The following SLCO4A1 variants were observed in gnomAD, a reference collection of about 807,000 sequenced individuals.
SLCO4A1 encodes the protein solute carrier organic anion transporter family member 4A1.
In SLCO4A1, 51 loss-of-function variants were observed where a neutral mutation model predicts 64.6. The observed-to-expected ratio is 0.79, with a 90% confidence interval of 0.63 to 1.00. SLCO4A1 has a LOEUF of 1.00. SLCO4A1 is among the 50% of genes least tolerant of loss of function. The pLI, the probability that SLCO4A1 is intolerant of heterozygous loss-of-function variation, is 0.00. For missense variants in SLCO4A1, 919 were observed against 980.5 expected (o/e 0.94, Z 0.84); for synonymous variants, 471 against 444.9 (o/e 1.06, Z -0.74).
chr20:62,644,470 C>T lies in SLCO4A1; in HGVS notation c.-97+1917C>T, dbSNP rs1293886371. On this transcript the variant is annotated intron_variant, in intron 1 of 11. Transcript: ENST00000217159. The surrounding 1 kb of genome is among the most constrained non-coding windows in gnomAD (Gnocchi z 5.4). ...CTGGCTGGGCACGTGGCAGGCAGGG[C>T]AGGCTGGGCCAGGTGAAGGGTGGCC... Among the ~76,000 whole-genome samples, 1 of 152,206 alleles carries T rather than the reference C, an allele frequency of 6.6e-6. No homozygotes were observed. The highest frequency in any genetic ancestry group is 1.5e-5 in the Non-Finnish European group (1 of 68,032).
At position 62,671,752 on chromosome 20, in the gene SLCO4A1, G is replaced by C; in HGVS notation, c.2028G>C (p.Val676=). 1 of 1,612,908 alleles carries C rather than the reference G, an allele frequency of 6.2e-7. No homozygotes were observed. The highest frequency in any genetic ancestry group is 8.5e-7 in the Non-Finnish European group (1 of 1,179,522). ...YILIMGLLYK[V]LGVLFFAIAC... Reference sequence around the variant, plus strand: ...CCAGCGGGCTCCTCTCTCCCCAGGTGCTGGGCGTCCTCTTCTTTGCCATAG... The same window carrying C: ...CCAGCGGGCTCCTCTCTCCCCAGGTCCTGGGCGTCCTCTTCTTTGCCATAG... Residue 676 remains valine (V), a splice_region_variant and synonymous_variant, in exon 12 of 12, where the codon GTG becomes GTC. Transcript: ENST00000217159.
At chr20:62,671,560 TTA>T (rs1335979727) in intron 11 of SLCO4A1, among the ~76,000 whole-genome samples, 188 bp from the exon 12 acceptor site, 1 of 16,958 alleles carries the variant, frequency 5.9e-5, no homozygotes, top group Non-Finnish European at 1.8e-4. Context: ...CATTCCCTCT[TTA>T]ACAATATTGG....
At position 62,656,516 on chromosome 20, in the gene SLCO4A1, A is replaced by T; in HGVS notation, c.62A>T (p.Glu21Val). ...TTCCCCAGCCCCAACTCAGCCATGG[A>T]AAACGGGCTTGACCACACCCCACCC... Reference protein sequence around the residue: ...LTFPSPNSAMENGLDHTPPSR... With the variant: ...LTFPSPNSAMVNGLDHTPPSR... The change falls in exon 2 of 12, where the codon GAA (glutamate) becomes GTA (valine). Residue 21 changes from glutamate (E) to valine (V), a missense_variant. Coordinates refer to ENST00000217159, the MANE Select transcript of SLCO4A1 (RefSeq NM_016354.4). The T allele has an allele frequency of 6.4e-7, 1 of 1,562,378 alleles. No individual in the cohort carries two copies. The highest frequency in any genetic ancestry group is 8.6e-7 in the Non-Finnish European group (1 of 1,156,166).
intron 1 of SLCO4A1, among the ~76,000 whole-genome samples, chr20:62,648,103 G>GCTGAT (rs35415836): frequency 2.6e-5 from 4 of 152,248 alleles, no homozygotes; most frequent in African/African-American, 9.6e-5. Flanking sequence ...TTATCCCCCG[G>GCTGAT]CTGATCGCCT....
At chr20:62,669,759 A>C (rs1986974141) in intron 11 of SLCO4A1, among the ~76,000 whole-genome samples, 1 of 152,174 alleles carries the variant, frequency 6.6e-6, no homozygotes, top group Non-Finnish European at 1.5e-5. Flanking sequence ...TTCATCCTGC[A>C]GGAACCCGTG....
chr20:62,682,241 A>C (rs565884006), intron 2 of SLCO4A1, among the ~76,000 whole-genome samples: 2 of 152,210 alleles, frequency 1.3e-5, no homozygotes, highest in Non-Finnish European at 2.9e-5. Flanking sequence ...GTACGCCTGC[A>C]GCACCTTGTC....
downstream of SLCO4A1, among the ~76,000 whole-genome samples, chr20:62,688,319 C>T (rs929729355): frequency 6.6e-6 from 1 of 152,114 alleles, no homozygotes; most frequent in African/African-American, 2.4e-5. Flanking sequence ...GGGAGGGAGG[C>T]TGCCCCCTAC....
chr20:62,660,494 A>G lies in SLCO4A1; in HGVS notation c.970A>G (p.Thr324Ala), dbSNP rs552647026. The G allele has an allele frequency of 8.1e-6, 13 of 1,604,090 alleles. No homozygotes were observed. Among genetic ancestry groups the G allele is most frequent in the African/African-American group, 1.3e-5 (1 of 74,516 alleles). Residue 324 changes from threonine (T) to alanine (A), a missense_variant, in exon 4 of 12, where the codon ACC becomes GCC. Thr to Ala is a moderately conservative substitution (Grantham distance 58). Transcript: ENST00000217159. ...FLGSGAAAFF[T>A]AVPILGYPRQ... ...GGGCTCTGGGGCCGCTGCTTTCTTC[A>G]CCGCCGTTCCCATCCTTGGTTACCC...
chr20:62,660,215 A>T (rs996121239), intron 3 of SLCO4A1, among the ~76,000 whole-genome samples, 197 bp from the exon 4 acceptor site: 1 of 152,160 alleles, frequency 6.6e-6, no homozygotes, highest in Non-Finnish European at 1.5e-5. Flanking sequence ...GGGACAGCTA[A>T]GCCAAGGTGG....
chr20:62,671,690 CA>C lies in SLCO4A1; in HGVS notation c.2026-59del, dbSNP rs369384407. The C allele has an allele frequency of 1.8e-4, 280 of 1,526,302 alleles. 1 individual carries two copies. The East Asian group carries it at 5.9e-3, about 32-fold the overall frequency. The allele number at this position is 1,526,302 out of a possible 1,614,324, so 94.5% of individuals were successfully genotyped here. Reference sequence around the variant, plus strand: ...AGGGACAGGACTGGGACAGGCCCACCAGTATCCAAAGGCTCTGGCCGAGCTC... The same window carrying C: ...AGGGACAGGACTGGGACAGGCCCACCGTATCCAAAGGCTCTGGCCGAGCTC... On this transcript the variant is annotated intron_variant, in intron 11 of 11. Transcript: ENST00000217159.
At position 62,661,186 on chromosome 20, in the gene SLCO4A1, G is replaced by A. The variant is rs1315229583; in HGVS notation, c.1121+11G>A. 6.3e-7 allele frequency: 1 copy of A among 1,590,828 alleles called. No homozygotes were observed. The highest frequency in any genetic ancestry group is 1.7e-5 in the Admixed American group (1 of 60,000). On this transcript the variant is annotated intron_variant, in intron 5 of 11. Coordinates refer to ENST00000217159, the MANE Select transcript of SLCO4A1 (RefSeq NM_016354.4). The surrounding 1 kb of genome is among the most constrained non-coding windows in gnomAD (Gnocchi z 5.2). ...CAGAGACCTGCCTCTGTAAGGACCG[G>A]AGTCGGGAGGGTTCCTAGTGTCCTC...
intron 5 of SLCO4A1, among the ~76,000 whole-genome samples, chr20:62,662,302 C>T (rs894968308): frequency 6.6e-6 from 1 of 152,130 alleles, no homozygotes; most frequent in African/African-American, 2.4e-5. Flanking sequence ...CAAGCTGACC[C>T]GGGGCCACGT....
intron 2 of SLCO4A1, among the ~76,000 whole-genome samples, chr20:62,681,256 CCTTGCACA>C (rs1987808573): frequency 6.6e-6 from 1 of 152,186 alleles, no homozygotes. Context: ...CAAAGAGATC[CCTTGCACA>C]CTTTGCCCAG....
At chr20:62,656,327 G>A (rs1983702551) in intron 1 of SLCO4A1, 32 bp from the exon 2 acceptor site, 4 of 782,118 alleles carry the variant, frequency 5.1e-6, no homozygotes, top group South Asian at 1.9e-5. Flanking sequence ...GTGGAGAGAC[G>A]TGAGCTTGCT....
At chr20:62,647,385 G>A (rs6122262) in intron 1 of SLCO4A1, among the ~76,000 whole-genome samples, 6 of 152,180 alleles carry the variant, frequency 3.9e-5, no homozygotes, top group African/African-American at 9.7e-5. Context: ...GGAGGGACTC[G>A]GCTTTGCCAG....
intron 7 of SLCO4A1, 120 bp downstream of exon 7, chr20:62,666,695 G>A (rs1986411419): frequency 3.4e-6 from 3 of 894,284 alleles, no homozygotes; most frequent in African/African-American, 1.7e-5. Flanking sequence ...TACGTCACAG[G>A]ACAGCGGCAA....
chr20:62,662,234 C>T (rs1985094769), intron 5 of SLCO4A1, among the ~76,000 whole-genome samples: 1 of 152,118 alleles, frequency 6.6e-6, no homozygotes, highest in South Asian at 2.1e-4. Context: ...CATTAGGACC[C>T]TGATAGACCC....
chr20:62,685,892 A>T (rs1306888116), downstream of SLCO4A1: 1 of 152,198 alleles, frequency 6.6e-6, no homozygotes, highest in African/African-American at 2.4e-5. This position sits in a 1 kb window ranked among gnomAD's most constrained non-coding sequence, Gnocchi z 4.6. Flanking sequence ...CAGGGCTGGT[A>T]AACAGGTAGC....
At chr20:62,662,170 A>G (rs1985081027) in intron 5 of SLCO4A1, among the ~76,000 whole-genome samples, 3 of 152,136 alleles carry the variant, frequency 2.0e-5, no homozygotes, top group Admixed American at 2.0e-4. Context: ...GAAAGCCCCA[A>G]GCTGTCCACG....
Sources: gnomAD v4.1 joint callset for allele counts (sites outside exome capture counted in the v4.1 genomes callset) on GRCh38, gnomAD v4.1.1 for gene constraint, Gnocchi (gnomAD v3.1) non-coding constraint, MANE v1.5 for transcripts, NCBI Gene and HGNC (gene_info 2026-07-23, HGNC 2026-07-21) for gene names.